The following ZNF638 variants were observed in gnomAD, a reference collection of about 807,000 sequenced individuals.
ZNF638 encodes the protein zinc finger protein 638.
Under a neutral mutation model 195.6 loss-of-function variants are expected in ZNF638, and 46 were observed. That is an observed-to-expected ratio of 0.24 (90% CI 0.19 to 0.30). The LOEUF (loss-of-function observed/expected upper bound fraction) is 0.30. ZNF638 is among the 10% of genes least tolerant of loss of function. The pLI, the probability that ZNF638 is intolerant of heterozygous loss-of-function variation, is 1.00. For missense variants in ZNF638, 2,440 were observed against 2,325.3 expected (o/e 1.05, Z -1.01); for synonymous variants, 845 against 772.0 (o/e 1.09, Z -1.57).
At chr2:71,392,287 C>G (rs1365177480) in intron 10 of ZNF638, among the ~76,000 whole-genome samples, 1 of 152,172 alleles carries the variant, frequency 6.6e-6, no homozygotes, top group African/African-American at 2.4e-5. Context: ...ATACCTAAAG[C>G]TTTAACGCTT....
intron 10 of ZNF638, among the ~76,000 whole-genome samples, chr2:71,391,342 C>A (rs2079773077): frequency 1.3e-5 from 2 of 152,162 alleles, no homozygotes; most frequent in Non-Finnish European, 2.9e-5. Flanking sequence ...ATTTACCATA[C>A]TAGCTATCAG....
At chr2:71,380,626 T>G in intron 10 of ZNF638, 61 bp downstream of exon 10, 14 of 1,361,208 alleles carry the variant, frequency 1.0e-5, no homozygotes, top group Non-Finnish European at 1.4e-5. Context: ...AGTAGAAACT[T>G]AGATGATGAT....
intron 26 of ZNF638, 119 bp from the exon 27 acceptor site, chr2:71,433,046 C>T (rs1359086149): frequency 1.3e-6 from 1 of 796,784 alleles, no homozygotes; most frequent in African/African-American, 1.7e-5. Context: ...GACATCGCGC[C>T]ACTGCCCTCC....
intron 1 of ZNF638, among the ~76,000 whole-genome samples, chr2:71,338,505 C>A (rs2078710091): frequency 6.6e-6 from 1 of 152,170 alleles, no homozygotes; most frequent in African/African-American, 2.4e-5. Flanking sequence ...CATTTACTTA[C>A]TTGCTCAAAC....
At chr2:71,374,354 G>T (rs965285387) in intron 8 of ZNF638, among the ~76,000 whole-genome samples, 15 of 152,108 alleles carry the variant, frequency 9.9e-5, no homozygotes, top group Admixed American at 9.2e-4. Context: ...ATACTCTTCT[G>T]TTGTGGCAAT....
rs917282559 is a variant in ZNF638 at position 71,339,297 on chromosome 2, C to T, written c.-203+7422C>T. Among the ~76,000 whole-genome samples, 11 of 151,962 alleles carry T rather than the reference C, an allele frequency of 7.2e-5. No individual in the cohort carries two copies. The East Asian group carries it at 7.7e-4, about 11-fold the overall frequency. On this transcript the variant is annotated intron_variant, in intron 1 of 27. Transcript: ENST00000264447. ...CCTCCTGAGTGGCTGGGATTACAGGCGCCTGCCAGCACACCCGGCTAATTT... is the reference window on the plus strand; with the variant it reads ...CCTCCTGAGTGGCTGGGATTACAGGTGCCTGCCAGCACACCCGGCTAATTT...
intron 23 of ZNF638, 116 bp from the exon 24 acceptor site, chr2:71,426,344 C>T: frequency 1.3e-6 from 1 of 759,972 alleles, no homozygotes; most frequent in Non-Finnish European, 2.1e-6. Context: ...TTTAGGAAAA[C>T]TAATTTGCAC....
At chr2:71,372,976 C>CCTT (rs2104314367) in intron 8 of ZNF638, among the ~76,000 whole-genome samples, 1 of 152,188 alleles carries the variant, frequency 6.6e-6, no homozygotes, top group Admixed American at 6.5e-5. Flanking sequence ...ACCTTGTGTA[C>CCTT]CTTCACAGGC....
At chr2:71,408,961 G>GA (rs952267829) in intron 20 of ZNF638, among the ~76,000 whole-genome samples, 1 of 151,874 alleles carries the variant, frequency 6.6e-6, no homozygotes, top group Admixed American at 6.6e-5. Context: ...GATAATTTCA[G>GA]AAAAAAATAT....
intron 19 of ZNF638, 141 bp from the exon 20 acceptor site, chr2:71,407,981 A>G: frequency 1.5e-6 from 1 of 689,208 alleles, no homozygotes. Flanking sequence ...TTCTGTGAAC[A>G]TGGGTGTACA....
At chr2:71,370,039 C>T (rs765127418) in intron 8 of ZNF638, 34 bp downstream of exon 8, 2 of 1,578,598 alleles carry the variant, frequency 1.3e-6, no homozygotes, top group Non-Finnish European at 1.7e-6. Flanking sequence ...TGTTTTATCA[C>T]TGTTGTTTTA....
chr2:71,423,617 G>A lies in ZNF638; in HGVS notation c.4103G>A (p.Gly1368Asp), dbSNP rs1285948256. ...AAGGCATACCCAAATAAAGGAGTGG[G>A]TCAGGCTAATAAGCCTGATGAAACT... is the stretch of plus-strand genomic sequence containing the variant. The part of the protein sequence containing the change: ...LFKAYPNKGV[G>D]QANKPDETSK... Residue 1368 changes from glycine (G) to aspartate (D), a missense_variant, in exon 22 of 28, where the codon GGT becomes GAT. Physicochemically the swap from Gly to Asp is moderately conservative, Grantham distance 94 (BLOSUM62 -1). Transcript: ENST00000264447. The A allele has an allele frequency of 6.2e-6, 10 of 1,613,866 alleles. No individual in the cohort carries two copies. In the South Asian group the frequency reaches 1.1e-4, roughly 18 times the overall value.
At chr2:71,363,281 ACTT>A in intron 4 of ZNF638, 90 bp downstream of exon 4, 1 of 1,002,578 alleles carries the variant, frequency 1.0e-6, no homozygotes, top group Non-Finnish European at 1.5e-6. Context: ...TTTGAGTTCT[ACTT>A]CTGCCATTTA....
chr2:71,361,743 T>C (rs1475875764), intron 3 of ZNF638: 1 of 152,234 alleles, frequency 6.6e-6, no homozygotes, highest in Non-Finnish European at 1.5e-5. Context: ...TCAGGGGTTT[T>C]GTACCTGTAT....
At chr2:71,373,660 C>T (rs563036409) in intron 8 of ZNF638, among the ~76,000 whole-genome samples, 4 of 151,534 alleles carry the variant, frequency 2.6e-5, no homozygotes, top group Admixed American at 6.6e-5. Flanking sequence ...CCTCGTGATC[C>T]GTCCGCCTCG....
At chr2:71,385,331 C>T (rs1321228975) in intron 10 of ZNF638, among the ~76,000 whole-genome samples, 2 of 152,230 alleles carry the variant, frequency 1.3e-5, no homozygotes, top group Non-Finnish European at 2.9e-5. Context: ...AGGGCCTATA[C>T]ACGAGTATTT....
intron 15 of ZNF638, among the ~76,000 whole-genome samples, chr2:71,401,159 A>G (rs996397870): frequency 3.3e-5 from 5 of 152,134 alleles, no homozygotes; most frequent in Admixed American, 1.3e-4. Context: ...GTGTAAAGTC[A>G]CACTAAACTG....
Position 71,380,551 on chromosome 2 carries a change from C to T in ZNF638, c.2363C>T (p.Thr788Ile), listed in dbSNP as rs369140345. ...GCTTCAAAAGCTGTTGAAATTGTTACTTCAACTTCTGCTGGTAAGTTGTTA... is the reference window on the plus strand; with the variant it reads ...GCTTCAAAAGCTGTTGAAATTGTTATTTCAACTTCTGCTGGTAAGTTGTTA... The part of the protein sequence containing the change: ...ADASKAVEIV[T>I]STSAAKTGQA... The change falls in exon 10 of 28, where the codon ACT (threonine) becomes ATT (isoleucine). Residue 788 changes from threonine (T) to isoleucine (I), a missense_variant. This residue lies in a region of ZNF638 where 1,883 missense variants were observed against 1,739.1 expected (regional missense o/e 1.08). Coordinates refer to ENST00000264447, the MANE Select transcript of ZNF638 (RefSeq NM_014497.5). The T allele has an allele frequency of 2.1e-5, 34 of 1,602,792 alleles. No individual in the cohort carries two copies. The Admixed American group carries it at 4.5e-4, about 21-fold the overall frequency.
intron 10 of ZNF638, among the ~76,000 whole-genome samples, chr2:71,385,352 T>A (rs139617426): frequency 2.0e-5 from 3 of 152,226 alleles, no homozygotes; most frequent in Non-Finnish European, 4.4e-5. Context: ...ATGGGTACTT[T>A]GTTTATAATT....
Sources: gnomAD v4.1 joint callset for allele counts (sites outside exome capture counted in the v4.1 genomes callset) on GRCh38, gnomAD v4.1.1 for gene constraint, gnomAD v4.1.1 regional missense constraint, MANE v1.5 for transcripts, NCBI Gene and HGNC (gene_info 2026-07-23, HGNC 2026-07-21) for gene names.